The following RPS6KA6 variants were observed in gnomAD, a reference collection of about 807,000 sequenced individuals.
RPS6KA6 encodes ribosomal protein S6 kinase A6.
In RPS6KA6, 27 loss-of-function variants were observed where a neutral mutation model predicts 65.4. The ratio of observed to expected loss-of-function variants is 0.41; its 90% CI spans 0.30 to 0.57. The LOEUF is 0.57. RPS6KA6 is among the 20% of genes least tolerant of loss of function. The pLI is 0.24. For synonymous variants in RPS6KA6, 190 were observed against 184.2 expected (o/e 1.03, Z -0.26); for missense variants, 486 against 555.6 (o/e 0.87, Z 1.26).
rs367962387 is a variant in RPS6KA6, at chrX:84,059,757, A to T, written c.*4520T>A. The T allele has an allele frequency of 8.9e-6, 1 of 111,973 alleles. No individual in the cohort carries two copies. 9.2% of individuals were successfully genotyped at this position (111,973 alleles called of 1,213,427 possible). A position where few individuals can be genotyped will look rare whatever the true frequency, so the allele number is the denominator to read the frequency against. ...TTACAGCAAAACAGTCATCCACAGA[A>T]GCTCTATTGTCCAGCGTTTAGAAAT... On this transcript the variant is annotated 3_prime_UTR_variant, in exon 22 of 22. Transcript: ENST00000262752.
At chrX:84,134,507 T>C (rs941543703) in intron 8 of RPS6KA6, among the ~76,000 whole-genome samples, 1 of 111,349 alleles carries the variant, frequency 9.0e-6, no homozygotes, top group South Asian at 3.8e-4. Flanking sequence ...GTGATACATC[T>C]TTCTGTCTAG....
At chrX:84,184,578 T>C (rs2147658143) in intron 1 of RPS6KA6, among the ~76,000 whole-genome samples, 1 of 111,177 alleles carries the variant, frequency 9.0e-6, no homozygotes, top group Non-Finnish European at 1.9e-5. Context: ...AGAACCCAGA[T>C]TTACCTGCCT....
chrX:84,176,499 T>C (rs1191162390), intron 1 of RPS6KA6, among the ~76,000 whole-genome samples: 1 of 112,002 alleles, frequency 8.9e-6, no homozygotes, highest in Non-Finnish European at 1.9e-5. Context: ...TCCACTGAGT[T>C]ATATATCAGG....
intron 1 of RPS6KA6, among the ~76,000 whole-genome samples, chrX:84,171,482 A>G (rs900460650): frequency 1.8e-5 from 2 of 111,649 alleles, no homozygotes; most frequent in African/African-American, 6.5e-5. Flanking sequence ...ATTTGTTCTC[A>G]TTTGGTAGAA....
chrX:84,139,458 T>C lies in RPS6KA6; in HGVS notation c.502-4248A>G, dbSNP rs180937604. Among the ~76,000 whole-genome samples the C allele has an allele frequency of 2.7e-5, 3 of 111,888 alleles. No homozygotes were observed. The East Asian group carries it at 8.5e-4, about 32-fold the overall frequency. ...TTGAATTATGTTCTATAGTTAATAA[T>C]ATACCAATAACACACCCTATGCTCA... On this transcript the variant is annotated intron_variant, in intron 6 of 21. Coordinates refer to ENST00000262752, the MANE Select transcript of RPS6KA6 (RefSeq NM_014496.5).
chrX:84,116,311 T>G, intron 11 of RPS6KA6, 24 bp from the exon 12 acceptor site: 2 of 981,329 alleles, frequency 2.0e-6, no homozygotes. Context: ...AAATGATATT[T>G]TATTTTTATG....
intron 20 of RPS6KA6, among the ~76,000 whole-genome samples, chrX:84,084,424 C>A (rs1267282864): frequency 8.9e-6 from 1 of 112,187 alleles, no homozygotes; most frequent in African/African-American, 3.2e-5. Flanking sequence ...CAATTTTCTG[C>A]ATATGGCTAG....
At position 84,148,151 on chromosome X, in the gene RPS6KA6, A is replaced by G. The variant is rs777122653; in HGVS notation, c.259-28T>C. ...AATAGAAAATTGAACAAAAAAAAAA[A>G]GGAAAATTCACATTTCTAGTCATTC... On this transcript the variant is annotated intron_variant, in intron 3 of 21. Transcript: ENST00000262752. 261 of 954,974 alleles carry G rather than the reference A, an allele frequency of 2.7e-4. 1 individual carries two copies. The highest frequency in any genetic ancestry group is 3.6e-4 in the Non-Finnish European group (249 of 684,171). 78.7% of individuals were successfully genotyped at this position (954,974 alleles called of 1,213,427 possible).
At chrX:84,073,534 C>A in intron 20 of RPS6KA6, among the ~76,000 whole-genome samples, 1 of 110,778 alleles carries the variant, frequency 9.0e-6, no homozygotes, top group Non-Finnish European at 1.9e-5. Flanking sequence ...ATGGGATTAC[C>A]TCAAACTAAA....
At chrX:84,136,760 T>C (rs1389307370) in intron 6 of RPS6KA6, among the ~76,000 whole-genome samples, 2 of 111,670 alleles carry the variant, frequency 1.8e-5, no homozygotes, top group East Asian at 2.8e-4. Context: ...AGCAATTATG[T>C]GCCAGGCACT....
rs759258820 is a variant in RPS6KA6, at chrX:84,161,158, G to C, written c.141+3170C>G. ...TACAGATGTTCCTGGACTTATGACA[G>C]TGTTGTCCCCATAAACCTATTGTAA... On this transcript the variant is annotated intron_variant, in intron 2 of 21. Transcript: ENST00000262752. Among the ~76,000 whole-genome samples the C allele has an allele frequency of 9.2e-4, 103 of 111,483 alleles. 1 individual carries two copies. The highest frequency in any genetic ancestry group is 1.6e-3 in the Non-Finnish European group (84 of 52,958).
intron 20 of RPS6KA6, among the ~76,000 whole-genome samples, chrX:84,078,053 A>C (rs2033699224): frequency 8.9e-6 from 1 of 112,359 alleles, no homozygotes; most frequent in Non-Finnish European, 1.9e-5. Context: ...ACTTCTTTGA[A>C]AGACACTTAA....
intron 9 of RPS6KA6, among the ~76,000 whole-genome samples, chrX:84,118,932 T>C (rs1199577079): frequency 8.9e-6 from 1 of 111,912 alleles, no homozygotes; most frequent in East Asian, 2.8e-4. Flanking sequence ...ATAGCTTCAC[T>C]TCCTCCACCT....
chrX:84,116,509 A>G (rs1468532326), intron 11 of RPS6KA6, among the ~76,000 whole-genome samples: 1 of 111,339 alleles, frequency 9.0e-6, no homozygotes, highest in East Asian at 2.8e-4. Context: ...TGTCTCCCAA[A>G]TCAAATCAAA....
In RPS6KA6 at chrX:84,155,994, A is replaced by G. The variant is rs1010701649; in HGVS notation, c.258+81T>C. The G allele has an allele frequency of 6.7e-5, 35 of 526,074 alleles. No individual in the cohort carries two copies. In the Admixed American group the frequency reaches 8.9e-4, roughly 13 times the overall value. The allele number at this position is 526,074 out of a possible 1,213,427, so 43.4% of individuals were successfully genotyped here. The stretch of plus-strand genomic sequence containing the variant: ...TTCAGAAGTTTAGAAACGACTCATT[A>G]ATCAGATTTCTACGTATGTGTTCAC... On this transcript the variant is annotated intron_variant, in intron 3 of 21. Transcript: ENST00000262752.
At chrX:84,174,284 G>T (rs2035729690) in intron 1 of RPS6KA6, among the ~76,000 whole-genome samples, 1 of 111,633 alleles carries the variant, frequency 9.0e-6, no homozygotes, top group African/African-American at 3.3e-5. Flanking sequence ...CATTTTAAAT[G>T]ATTTACTTTG....
intron 16 of RPS6KA6, among the ~76,000 whole-genome samples, chrX:84,105,276 G>T (rs1402430188): frequency 5.4e-5 from 6 of 110,851 alleles, no homozygotes; most frequent in African/African-American, 2.0e-4. Flanking sequence ...TTTCTGTCTT[G>T]TATAAAGAGA....
At chrX:84,136,709 T>C (rs2034997399) in intron 6 of RPS6KA6, among the ~76,000 whole-genome samples, 1 of 111,572 alleles carries the variant, frequency 9.0e-6, no homozygotes, top group Non-Finnish European at 1.9e-5. Flanking sequence ...GTTGTCTTGG[T>C]AGAAAGCCTC....
At position 84,156,128 on chromosome X, in the gene RPS6KA6, C is replaced by A; in HGVS notation, c.205G>T (p.Asp69Tyr). 1 of 1,201,165 alleles carries A rather than the reference C, an allele frequency of 8.3e-7. No individual in the cohort carries two copies. The highest frequency in any genetic ancestry group is 1.1e-6 in the Non-Finnish European group (1 of 886,231). The change falls in exon 3 of 22, where the codon GAT (aspartate) becomes TAT (tyrosine). Residue 69 changes from aspartate (D) to tyrosine (Y), a missense_variant. Asp to Tyr is a radical substitution (Grantham distance 160). Transcript: ENST00000262752. ...HHVKEGYEKA[D>Y]PAQFELLKVL... ...TTGAGCAACTCAAACTGTGCAGGATCTGCTTTCTCATAGCCTTCCTTAACA... is the reference window on the plus strand; with the variant it reads ...TTGAGCAACTCAAACTGTGCAGGATATGCTTTCTCATAGCCTTCCTTAACA...
Sources: allele counts gnomAD v4.1 joint callset (sites outside exome capture counted in the v4.1 genomes callset), GRCh38; gene constraint gnomAD v4.1.1; transcripts MANE v1.5; gene names NCBI Gene and HGNC (gene_info 2026-07-23, HGNC 2026-07-21).